JAKMIP1: variants seen among roughly 807,000 people sequenced by gnomAD.
JAKMIP1 encodes janus kinase and microtubule interacting protein 1.
In JAKMIP1, 33 loss-of-function variants were observed where a neutral mutation model predicts 113.0. That is an observed-to-expected ratio of 0.29 (90% CI 0.22 to 0.39). The LOEUF (loss-of-function observed/expected upper bound fraction) is 0.39, where lower values mean the gene tolerates loss of function less well. JAKMIP1 is among the 10% of genes least tolerant of loss of function. The probability of loss-of-function intolerance (pLI) is 1.00; values close to 1 mark genes in which losing one functional copy is unlikely to be tolerated. For synonymous variants in JAKMIP1, 480 were observed against 459.9 expected, an observed-to-expected ratio of 1.04 and a Z score of -0.56; for missense variants, 813 against 1,080.5, an observed-to-expected ratio of 0.75 and a Z score of 3.47.
Position 6,155,465 on chromosome 4 carries a change from C to T in JAKMIP1, c.-147-42468G>A, listed in dbSNP as rs66730267. 0.18 allele frequency among the ~76,000 whole-genome samples: 27,659 copies of T among 152,068 alleles called. 2,859 individuals carry two copies. The highest frequency in any genetic ancestry group is 0.23 in the Non-Finnish European group (15,530 of 67,972). On this transcript the variant is annotated intron_variant, in intron 1 of 20. Coordinates refer to ENST00000409021, the MANE Select transcript of JAKMIP1 (RefSeq NM_001099433.2). The surrounding 1 kb of genome is among the most constrained non-coding windows in gnomAD (Gnocchi z 6.1). ...TGTCCAAAAGTGCACAGCTACTAAG[C>T]GGGACTCAAATCCAGACAGTTTGGT... is the stretch of plus-strand genomic sequence containing the variant.
intron 1 of JAKMIP1, among the ~76,000 whole-genome samples, chr4:6,170,555 TCACCAC>T (rs1309725198): frequency 7.2e-6 from 1 of 139,268 alleles, no homozygotes; most frequent in African/African-American, 2.7e-5. Flanking sequence ...TCCATCACCA[TCACCAC>T]CACCACCATT....
intron 1 of JAKMIP1, among the ~76,000 whole-genome samples, chr4:6,170,651 C>T (rs928814661): frequency 6.7e-6 from 1 of 149,382 alleles, no homozygotes; most frequent in African/African-American, 2.5e-5. Flanking sequence ...TCTACCATTA[C>T]CACCACCAAT....
In JAKMIP1 at chr4:6,188,081, CA is replaced by C. The variant is rs1208234285; in HGVS notation, c.-148+12171del. Among the ~76,000 whole-genome samples, 1 of 151,984 alleles carries C rather than the reference CA, an allele frequency of 6.6e-6. No individual in the cohort carries two copies. The highest frequency in any genetic ancestry group is 1.5e-5 in the Non-Finnish European group (1 of 67,980). Reference sequence around the variant, plus strand: ...TTAAATGGCTAATTTTCAAATCTGTCATTTTTTTTTCTTTTTGGTTCCAGTA... The same window carrying C: ...TTAAATGGCTAATTTTCAAATCTGTCTTTTTTTTTCTTTTTGGTTCCAGTA... On this transcript the variant is annotated intron_variant, in intron 1 of 20. Coordinates refer to ENST00000409021, the MANE Select transcript of JAKMIP1 (RefSeq NM_001099433.2). The surrounding 1 kb of genome is among the most constrained non-coding windows in gnomAD (Gnocchi z 5.8).
At position 6,187,137 on chromosome 4, in the gene JAKMIP1, G is replaced by A. The variant is rs1726738881; in HGVS notation, c.-148+13116C>T. Among the ~76,000 whole-genome samples, 1 of 152,098 alleles carries A rather than the reference G, an allele frequency of 6.6e-6. No homozygotes were observed. The highest frequency in any genetic ancestry group is 2.4e-5 in the African/African-American group (1 of 41,424). ...GAGCCACCATGCCCAGCCCACTTCT[G>A]TCAGTTTTTGCTTCATATATTTTGG... On this transcript the variant is annotated intron_variant, in intron 1 of 20. Coordinates refer to ENST00000409021, the MANE Select transcript of JAKMIP1 (RefSeq NM_001099433.2). The surrounding 1 kb of genome is among the most constrained non-coding windows in gnomAD (Gnocchi z 4.2).
intron 2 of JAKMIP1, among the ~76,000 whole-genome samples, chr4:6,111,121 G>A (rs1714864054): frequency 6.6e-6 from 1 of 151,624 alleles, no homozygotes; most frequent in Non-Finnish European, 1.5e-5. Context: ...CTGAGCTGGG[G>A]TTGCAGCCAG....
chr4:6,043,971 C>T (rs1348214095), intron 16 of JAKMIP1, among the ~76,000 whole-genome samples: 2 of 152,060 alleles, frequency 1.3e-5, no homozygotes, highest in African/African-American at 2.4e-5. Context: ...CAGAGCTCCT[C>T]GAACATGCCC....
intron 1 of JAKMIP1, among the ~76,000 whole-genome samples, chr4:6,131,015 A>C (rs928394678): frequency 3.7e-4 from 56 of 152,012 alleles, no homozygotes; most frequent in African/African-American, 1.3e-3. Flanking sequence ...CTCTACAAAA[A>C]ACACAAAACT....
At chr4:6,112,641 T>C (rs1057470658) in intron 2 of JAKMIP1, 81 bp downstream of exon 2, 2 of 1,516,638 alleles carry the variant, frequency 1.3e-6, no homozygotes, top group Non-Finnish European at 1.8e-6. Context: ...GAACAGGCTC[T>C]TCACACACAT....
chr4:6,149,166 C>A (rs1446021529), intron 1 of JAKMIP1, among the ~76,000 whole-genome samples: 2 of 152,110 alleles, frequency 1.3e-5, no homozygotes, highest in Non-Finnish European at 2.9e-5. Context: ...AATGCTTTGT[C>A]GGGTCTTTTT....
chr4:6,113,800 T>C (rs988049849), intron 1 of JAKMIP1, among the ~76,000 whole-genome samples: 1 of 152,040 alleles, frequency 6.6e-6, no homozygotes, highest in Admixed American at 6.5e-5. Flanking sequence ...TTCTCATCTA[T>C]GTCCCCTACA....
At chr4:6,098,673 AAAG>A (rs1416779814) in intron 3 of JAKMIP1, among the ~76,000 whole-genome samples, 5 of 6,768 alleles carry the variant, frequency 7.4e-4, no homozygotes, top group Non-Finnish European at 1.3e-3. Flanking sequence ...AAAGAGAGAG[AAAG>A]AAAGAAAGAA....
At chr4:6,173,173 C>A (rs1724948626) in intron 1 of JAKMIP1, among the ~76,000 whole-genome samples, 1 of 152,146 alleles carries the variant, frequency 6.6e-6, no homozygotes, top group Non-Finnish European at 1.5e-5. Flanking sequence ...GGGGTAGAAT[C>A]TGGAGGGATG....
intron 10 of JAKMIP1, 42 bp from the exon 11 acceptor site, chr4:6,060,549 T>C (rs751379887): frequency 2.1e-6 from 3 of 1,426,902 alleles, no homozygotes; most frequent in Non-Finnish European, 3.0e-6. Context: ...TCACCTCCAA[T>C]GGGTGACAGG....
In JAKMIP1 at chr4:6,116,210, G is replaced by A. The variant is rs1432729109; in HGVS notation, c.-147-3213C>T. Among the ~76,000 whole-genome samples the A allele has an allele frequency of 4.6e-5, 7 of 152,074 alleles. No homozygotes were observed. The highest frequency in any genetic ancestry group is 9.7e-5 in the African/African-American group (4 of 41,418). ...TGGACACACTGTTGATAGTCCCGAC[G>A]CTCACAGCACCACACAGCATCACTG... is the stretch of plus-strand genomic sequence containing the variant. On this transcript the variant is annotated intron_variant, in intron 1 of 20. Transcript: ENST00000409021. The surrounding 1 kb of genome is among the most constrained non-coding windows in gnomAD (Gnocchi z 5.1).
chr4:6,166,502 G>A (rs1044672642), intron 1 of JAKMIP1, among the ~76,000 whole-genome samples: 2 of 152,240 alleles, frequency 1.3e-5, no homozygotes, highest in Non-Finnish European at 2.9e-5. Flanking sequence ...GCCAGGATGT[G>A]TGCAGGCCCA....
At chr4:6,123,210 G>A (rs574971090) in intron 1 of JAKMIP1, among the ~76,000 whole-genome samples, 9 of 152,334 alleles carry the variant, frequency 5.9e-5, no homozygotes, top group Admixed American at 6.5e-5. Flanking sequence ...CACTGGCAAA[G>A]GAGGCATGGC....
intron 3 of JAKMIP1, among the ~76,000 whole-genome samples, chr4:6,100,280 G>T (rs1171265905): frequency 6.6e-6 from 1 of 152,106 alleles, no homozygotes; most frequent in African/African-American, 2.4e-5. Flanking sequence ...TATAGATTTG[G>T]ATATATAGAT....
At chr4:6,111,234 T>C (rs1165895041) in intron 2 of JAKMIP1, among the ~76,000 whole-genome samples, 1 of 152,122 alleles carries the variant, frequency 6.6e-6, no homozygotes, top group Non-Finnish European at 1.5e-5. Context: ...CCTGCTGCAA[T>C]TCCCCAAGCA....
intron 8 of JAKMIP1, among the ~76,000 whole-genome samples, chr4:6,074,968 A>C (rs952346558): frequency 6.6e-6 from 1 of 152,240 alleles, no homozygotes; most frequent in Non-Finnish European, 1.5e-5. Flanking sequence ...AGTATACTTC[A>C]TGATGTTTGC....
Sources: gnomAD v4.1 joint callset for allele counts (sites outside exome capture counted in the v4.1 genomes callset) on GRCh38, gnomAD v4.1.1 for gene constraint, Gnocchi (gnomAD v3.1) non-coding constraint, MANE v1.5 for transcripts, NCBI Gene and HGNC (gene_info 2026-07-23, HGNC 2026-07-21) for gene names.